The following COL9A1 variants were observed in gnomAD, a reference collection of about 807,000 sequenced individuals.
COL9A1 encodes collagen type IX alpha 1 chain.
COL9A1 carries 104 observed loss-of-function variants against 142.6 expected under a neutral mutation model. That is an observed-to-expected ratio of 0.73 (90% CI 0.62 to 0.86). The LOEUF (loss-of-function observed/expected upper bound fraction) is 0.86. Ranked by LOEUF, COL9A1 falls within the 40% of genes least tolerant of loss-of-function variation. COL9A1 has a pLI of 0.00. For missense variants in COL9A1, 1,210 were observed against 1,176.6 expected, an observed-to-expected ratio of 1.03 and a Z score of -0.42; for synonymous variants, 466 against 396.0, an observed-to-expected ratio of 1.18 and a Z score of -2.10.
intron 17 of COL9A1, among the ~76,000 whole-genome samples, 200 bp from the exon 18 acceptor site, chr6:70,266,970 A>G (rs556531724): frequency 1.3e-5 from 2 of 152,346 alleles, no homozygotes; most frequent in Non-Finnish European, 1.5e-5. Context: ...TACTTAATAG[A>G]AAAACACTGC....
intron 37 of COL9A1, 112 bp downstream of exon 37, chr6:70,225,820 T>C: frequency 1.2e-6 from 1 of 825,536 alleles, no homozygotes. Flanking sequence ...TTCTGAATAA[T>C]TAATATGCTT....
intron 36 of COL9A1, among the ~76,000 whole-genome samples, chr6:70,230,448 G>A (rs538588): frequency 0.48 from 73,396 of 151,904 alleles, 18,335 homozygotes; most frequent in African/African-American, 0.55. Context: ...TTTGGAAAAG[G>A]GAAAAGAATT....
intron 5 of COL9A1, among the ~76,000 whole-genome samples, chr6:70,293,631 T>TCACACACACACA (rs3222430): frequency 2.2e-3 from 305 of 137,858 alleles, no homozygotes; most frequent in African/African-American, 6.8e-3. Flanking sequence ...TCTCTCTCTT[T>TCACACACACACA]CACACACACA....
intron 33 of COL9A1, among the ~76,000 whole-genome samples, chr6:70,235,273 T>G (rs970823389): frequency 6.6e-6 from 1 of 152,080 alleles, no homozygotes; most frequent in African/African-American, 2.4e-5. Context: ...GCCAATATGG[T>G]GAAACCCTGT....
At chr6:70,251,978 G>A (rs961015586) in intron 28 of COL9A1, 142 bp downstream of exon 28, 5 of 909,710 alleles carry the variant, frequency 5.5e-6, no homozygotes, top group African/African-American at 3.3e-5. Flanking sequence ...CATCTAAATA[G>A]CATTTCATCT....
At chr6:70,283,227 TG>T in intron 6 of COL9A1, 1 of 1,456,710 alleles carries the variant, frequency 6.9e-7, no homozygotes, top group Non-Finnish European at 9.0e-7. Flanking sequence ...TGTTTATGAA[TG>T]GCCCCGGAGA....
At chr6:70,272,563 C>T (rs891711243) in intron 12 of COL9A1, among the ~76,000 whole-genome samples, 1 of 152,084 alleles carries the variant, frequency 6.6e-6, no homozygotes. Context: ...GGGTCAGAAA[C>T]ACACCTCCCT....
intron 28 of COL9A1, among the ~76,000 whole-genome samples, chr6:70,251,077 A>T (rs1770906198): frequency 6.6e-6 from 1 of 152,232 alleles, no homozygotes; most frequent in Admixed American, 6.5e-5. Flanking sequence ...AATGGAAACA[A>T]TTCAAATGTC....
chr6:70,280,119 CCATATAAGTCAG>C (rs1773051126), intron 10 of COL9A1: 2 of 560,552 alleles, frequency 3.6e-6, no homozygotes, highest in East Asian at 5.6e-5. Flanking sequence ...GTTAGGTTTA[CCATATAAGTCAG>C]CATTTGATGG....
At chr6:70,289,577 C>T (rs527651937) in intron 5 of COL9A1, among the ~76,000 whole-genome samples, 9 of 152,238 alleles carry the variant, frequency 5.9e-5, no homozygotes, top group Non-Finnish European at 1.0e-4. Context: ...GTTCTGACAG[C>T]ACTCAAAACT....
At chr6:70,268,910 A>G (rs751834776) in intron 16 of COL9A1, 50 bp from the exon 17 acceptor site, 2 of 1,515,152 alleles carry the variant, frequency 1.3e-6, no homozygotes, top group East Asian at 4.5e-5. Context: ...CAGAGTGCAT[A>G]AACTAGGACT....
At chr6:70,273,235 G>A (rs988202607) in intron 12 of COL9A1, among the ~76,000 whole-genome samples, 1 of 152,144 alleles carries the variant, frequency 6.6e-6, no homozygotes, top group East Asian at 1.9e-4. Flanking sequence ...AGTAAGTGTT[G>A]TGTTTGAAAA....
intron 30 of COL9A1, among the ~76,000 whole-genome samples, 174 bp from the exon 31 acceptor site, chr6:70,241,628 G>A (rs1017703760): frequency 5.3e-5 from 8 of 152,066 alleles, no homozygotes; most frequent in African/African-American, 1.9e-4. Flanking sequence ...TTCCACATTA[G>A]GTCACAATTT....
chr6:70,303,033 C>A lies in COL9A1; in HGVS notation c.-109G>T. On this transcript the variant is annotated 5_prime_UTR_variant, in exon 1 of 38. Coordinates refer to ENST00000357250, the MANE Select transcript of COL9A1 (RefSeq NM_001851.6). ...CACTGTTACCCTAGGACTATGTGTT[C>A]TGGGCCCAGCCTTGGTCCCTCCTGC... 8.1e-7 allele frequency: 1 copy of A among 1,230,478 alleles called. No individual in the cohort carries two copies. Among genetic ancestry groups the A allele is most frequent in the South Asian group, 1.2e-5 (1 of 83,238 alleles). 76.2% of individuals were successfully genotyped at this position (1,230,478 alleles called of 1,614,324 possible).
intron 4 of COL9A1, among the ~76,000 whole-genome samples, 162 bp from the exon 5 acceptor site, chr6:70,294,725 T>C (rs956591725): frequency 3.3e-5 from 5 of 152,222 alleles, no homozygotes; most frequent in African/African-American, 1.2e-4. Flanking sequence ...CATAAAGACC[T>C]TTACAGAAGT....
intron 36 of COL9A1, among the ~76,000 whole-genome samples, chr6:70,228,460 T>C (rs1769363492): frequency 6.6e-6 from 1 of 152,158 alleles, no homozygotes; most frequent in African/African-American, 2.4e-5. Context: ...ACTATGCTGT[T>C]AGAAAATGCA....
chr6:70,288,276 C>T (rs777334783), intron 5 of COL9A1, among the ~76,000 whole-genome samples: 8 of 152,138 alleles, frequency 5.3e-5, no homozygotes, highest in Non-Finnish European at 8.8e-5. Flanking sequence ...ATCCTGTTTT[C>T]CTTACCTCAA....
At chr6:70,230,476 A>C (rs1198246822) in intron 36 of COL9A1, among the ~76,000 whole-genome samples, 2 of 152,214 alleles carry the variant, frequency 1.3e-5, no homozygotes, top group Non-Finnish European at 2.9e-5. Context: ...TTCATGTTAT[A>C]GATTATGTCA....
chr6:70,256,416 G>A (rs573943570), intron 21 of COL9A1, among the ~76,000 whole-genome samples: 2 of 152,178 alleles, frequency 1.3e-5, no homozygotes, highest in South Asian at 4.2e-4. Context: ...GTGGAATAAT[G>A]GAGTCAGAAA....
Sources: gnomAD v4.1 joint callset for allele counts (sites outside exome capture counted in the v4.1 genomes callset) on GRCh38, gnomAD v4.1.1 for gene constraint, MANE v1.5 for transcripts, NCBI Gene and HGNC (gene_info 2026-07-23, HGNC 2026-07-21) for gene names.